Variants in ABL1 observed in about 807,000 individuals in gnomAD.
The protein encoded by ABL1 is ABL proto-oncogene 1, non-receptor tyrosine kinase.
Under a neutral mutation model 94.7 loss-of-function variants are expected in ABL1, and 11 were observed. That is an observed-to-expected ratio of 0.12 (90% CI 0.07 to 0.19). The LOEUF (loss-of-function observed/expected upper bound fraction) is 0.19. Ranked by LOEUF, ABL1 falls within the 10% of genes least tolerant of loss-of-function variation. The probability of loss-of-function intolerance (pLI) is 1.00; values close to 1 mark genes in which losing one functional copy is unlikely to be tolerated. For missense variants in ABL1, 1,082 were observed against 1,489.4 expected, an observed-to-expected ratio of 0.73 and a Z score of 4.50; for synonymous variants, 656 against 622.4, an observed-to-expected ratio of 1.05 and a Z score of -0.80.
intron 1 of ABL1, among the ~76,000 whole-genome samples, chr9:130,819,641 C>G (rs944486880): frequency 6.9e-6 from 1 of 145,562 alleles, no homozygotes; most frequent in South Asian, 2.2e-4. Flanking sequence ...CAGGTTCAAG[C>G]AATTCTATTG....
intron 1 of ABL1, among the ~76,000 whole-genome samples, chr9:130,720,227 A>G (rs1195783762): frequency 1.3e-5 from 2 of 152,200 alleles, no homozygotes; most frequent in Admixed American, 6.5e-5. Flanking sequence ...AGCTAAGTAA[A>G]TAAAATACAG....
chr9:130,815,013 CTCTG>C (rs1214152191), intron 1 of ABL1, among the ~76,000 whole-genome samples: 2 of 152,064 alleles, frequency 1.3e-5, no homozygotes, highest in African/African-American at 4.8e-5. Flanking sequence ...AAATAAGCTC[CTCTG>C]TCTGACTTAA....
intron 1 of ABL1, among the ~76,000 whole-genome samples, chr9:130,760,037 G>A (rs1164867139): frequency 7.0e-6 from 1 of 143,084 alleles, no homozygotes; most frequent in Non-Finnish European, 1.5e-5. Context: ...TAACTCCTGG[G>A]CTTAGGCAAT....
At chr9:130,733,860 G>C (rs1831700142) in intron 1 of ABL1, among the ~76,000 whole-genome samples, 1 of 152,060 alleles carries the variant, frequency 6.6e-6, no homozygotes, top group Non-Finnish European at 1.5e-5. Flanking sequence ...AAAGTGCTGG[G>C]GTTACAGGTG....
intron 1 of ABL1, among the ~76,000 whole-genome samples, chr9:130,809,738 G>A (rs1830181740): frequency 6.6e-6 from 1 of 152,170 alleles, no homozygotes; most frequent in Admixed American, 6.5e-5. Context: ...GATTGAATGG[G>A]GCTCACCCAC....
Position 130,827,934 on chromosome 9 carries a change from TAAAG to T in ABL1, c.137-26129_137-26126del, listed in dbSNP as rs1436411434. 2.3e-3 allele frequency among the ~76,000 whole-genome samples: 341 copies of T among 146,214 alleles called. 1 individual carries two copies. Among genetic ancestry groups the T allele is most frequent in the African/African-American group, 8.5e-3 (327 of 38,492 alleles). ...ATAAATAAATAAATAAATAAATAAA[TAAAG>T]CTATGCATTTCCCACAAATACTGCT... On this transcript the variant is annotated intron_variant, in intron 1 of 10. Transcript: ENST00000372348.
At chr9:130,795,142 T>C (rs1367110798) in intron 1 of ABL1, among the ~76,000 whole-genome samples, 1 of 152,180 alleles carries the variant, frequency 6.6e-6, no homozygotes, top group Non-Finnish European at 1.5e-5. Context: ...TTGCATGCAG[T>C]TGGGCCTTTT....
chr9:130,717,857 T>TA (rs1197791884), intron 1 of ABL1, among the ~76,000 whole-genome samples: 1 of 151,568 alleles, frequency 6.6e-6, no homozygotes, highest in East Asian at 1.9e-4. Context: ...CTACCAAAAG[T>TA]AAAAAATTAG....
At chr9:130,771,142 T>C (rs376905741) in intron 1 of ABL1, among the ~76,000 whole-genome samples, 16 of 152,242 alleles carry the variant, frequency 1.1e-4, no homozygotes, top group African/African-American at 3.9e-4. Context: ...CACATGGTGG[T>C]GCTCCCTTCA....
intron 1 of ABL1, among the ~76,000 whole-genome samples, chr9:130,735,860 T>G (rs2132702863): frequency 6.6e-6 from 1 of 150,522 alleles, no homozygotes; most frequent in Middle Eastern, 3.4e-3. Context: ...TTCTACTTGG[T>G]AGATAGCTAC....
intron 1 of ABL1, among the ~76,000 whole-genome samples, chr9:130,817,787 A>G (rs1198687746): frequency 1.3e-5 from 2 of 152,086 alleles, no homozygotes; most frequent in African/African-American, 2.4e-5. Context: ...ATTCCTTTCT[A>G]TTGCTGAGTA....
intron 1 of ABL1, among the ~76,000 whole-genome samples, chr9:130,768,130 C>T (rs983361762): frequency 6.6e-6 from 1 of 152,142 alleles, no homozygotes; most frequent in African/African-American, 2.4e-5. Flanking sequence ...TGGGAGAGCC[C>T]CCTTCCCCCC....
upstream of ABL1, among the ~76,000 whole-genome samples, chr9:130,833,462 G>A (rs1245450399): frequency 6.6e-6 from 1 of 152,170 alleles, no homozygotes; most frequent in Non-Finnish European, 1.5e-5. Context: ...ACCACACGCA[G>A]GCTGTCCAGC....
chr9:130,883,773 A>G (rs1354834433), intron 10 of ABL1, among the ~76,000 whole-genome samples, 196 bp from the exon 11 acceptor site: 1 of 152,228 alleles, frequency 6.6e-6, no homozygotes, highest in African/African-American at 2.4e-5. Context: ...ACAATGGGCC[A>G]TTATGCACAG....
intron 1 of ABL1, among the ~76,000 whole-genome samples, chr9:130,727,607 C>T (rs1831603028): frequency 6.6e-6 from 1 of 151,788 alleles, no homozygotes; most frequent in Admixed American, 6.6e-5. Flanking sequence ...ACTAAAAATA[C>T]AAAAATTAGC....
intron 2 of ABL1, 26 bp from the exon 3 acceptor site, chr9:130,854,771 ATATG>A (rs1830946459): frequency 1.3e-6 from 2 of 1,590,672 alleles, no homozygotes; most frequent in Non-Finnish European, 1.7e-6. Context: ...TCCAAAGCTG[ATATG>A]TCTGATTTGG....
At chr9:130,718,650 G>A (rs1418549420) in intron 1 of ABL1, among the ~76,000 whole-genome samples, 2 of 151,880 alleles carry the variant, frequency 1.3e-5, no homozygotes, top group Admixed American at 6.6e-5. Flanking sequence ...GAGGCCAAAG[G>A]CAGGTGGATT....
At chr9:130,808,074 T>C (rs1475598951) in intron 1 of ABL1, among the ~76,000 whole-genome samples, 1 of 148,740 alleles carries the variant, frequency 6.7e-6, no homozygotes, top group East Asian at 1.9e-4. Flanking sequence ...CTTTATCAAA[T>C]TAACTGATCA....
chr9:130,765,933 G>T (rs1355562219), intron 1 of ABL1, among the ~76,000 whole-genome samples: 1 of 152,242 alleles, frequency 6.6e-6, no homozygotes, highest in Non-Finnish European at 1.5e-5. Flanking sequence ...ATTTGGTAAA[G>T]AAGCAGTCAC....
Sources: gnomAD v4.1 joint callset for allele counts (sites outside exome capture counted in the v4.1 genomes callset) on GRCh38, gnomAD v4.1.1 for gene constraint, MANE v1.5 for transcripts, NCBI Gene and HGNC (gene_info 2026-07-23, HGNC 2026-07-21) for gene names.